CCDC83: variants seen among roughly 807,000 people sequenced by gnomAD.
CCDC83 encodes the protein coiled-coil domain-containing protein 83.
In CCDC83, 54 loss-of-function variants were observed where a neutral mutation model predicts 50.1. The ratio of observed to expected loss-of-function variants is 1.08; its 90% confidence interval spans 0.87 to 1.35. The LOEUF is 1.35. CCDC83 is among the 40% of genes most tolerant of loss of function. The probability of loss-of-function intolerance (pLI) is 0.00; values close to 1 mark genes in which losing one functional copy is unlikely to be tolerated. For missense variants in CCDC83, 518 were observed against 473.9 expected (o/e 1.09, Z -0.86); for synonymous variants, 161 against 153.3 (o/e 1.05, Z -0.37).
chr11:85,898,951 C>A lies in CCDC83; in HGVS notation c.608C>A (p.Ala203Asp). The part of the protein sequence containing the change: ...DQKKEWATQN[A>D]VKLIDKGSYL... ...AATCCAGAAACTTTCTTTTAGAATG[C>A]TGTAAAGCTCATTGACAAGGGCAGT... The change falls in exon 7 of 11, where the codon GCT becomes GAT. Residue 203 changes from alanine to aspartate, a missense_variant. Coordinates refer to ENST00000342404, the MANE Select transcript of CCDC83 (RefSeq NM_001286159.2). 1 of 1,610,020 alleles carries A rather than the reference C, an allele frequency of 6.2e-7. No homozygotes were observed. The highest frequency in any genetic ancestry group is 8.5e-7 in the Non-Finnish European group (1 of 1,177,138).
In CCDC83 at chr11:85,906,169, G is replaced by A. The variant is rs1030956397; in HGVS notation, c.673-5112G>A. Among the ~76,000 whole-genome samples, 7 of 151,402 alleles carry A rather than the reference G, an allele frequency of 4.6e-5. No homozygotes were observed. The South Asian group carries it at 1.5e-3, about 32-fold the overall frequency. On this transcript the variant is annotated intron_variant, in intron 7 of 10. Coordinates refer to ENST00000342404, the MANE Select transcript of CCDC83 (RefSeq NM_001286159.2). ...AAACCTCCACCTCCCAGGTTCAAGC[G>A]ATTCTCCTGCCTCAGCCTCCCAAGT...
chr11:85,897,933 G>T (rs2135090052), intron 6 of CCDC83, among the ~76,000 whole-genome samples: 2 of 152,236 alleles, frequency 1.3e-5, no homozygotes, highest in African/African-American at 4.8e-5. Flanking sequence ...AAGGCGGGTG[G>T]ATCACTTGAG....
intron 8 of CCDC83, chr11:85,912,686 C>G (rs772182257): frequency 6.2e-7 from 1 of 1,612,598 alleles, no homozygotes; most frequent in Non-Finnish European, 8.5e-7. Context: ...CTCTAATCCT[C>G]GTCATCTGCT....
chr11:85,906,113 T>A (rs1468117378), intron 7 of CCDC83, among the ~76,000 whole-genome samples: 1 of 151,772 alleles, frequency 6.6e-6, no homozygotes, highest in Non-Finnish European at 1.5e-5. Context: ...TTGCCCAGGC[T>A]TGAGTGAAAT....
intron 2 of CCDC83, among the ~76,000 whole-genome samples, chr11:85,868,264 T>G (rs1351789183): frequency 1.3e-5 from 2 of 152,236 alleles, no homozygotes; most frequent in African/African-American, 4.8e-5. Context: ...TGCCCCCCGT[T>G]TTCTACAATA....
At chr11:85,882,492 T>C in intron 3 of CCDC83, 21 bp from the exon 4 acceptor site, 2 of 1,610,776 alleles carry the variant, frequency 1.2e-6, no homozygotes, top group Non-Finnish European at 1.7e-6. Flanking sequence ...AAACGTGAAT[T>C]ACTGTTGATT....
chr11:85,915,885 C>T lies in CCDC83; in HGVS notation c.875-143C>T, dbSNP rs551826290. The T allele has an allele frequency of 6.4e-6, 4 of 629,214 alleles. No individual in the cohort carries two copies. In the East Asian group the frequency reaches 1.1e-4, roughly 18 times the overall value. The allele number at this position is 629,214 out of a possible 1,614,324, so 39.0% of individuals were successfully genotyped here. Reference sequence around the variant, plus strand: ...CAACTTAGAGTTTCTACAAATGGGACTCCCTCTTACTTTAATACATAAATT... The same window carrying T: ...CAACTTAGAGTTTCTACAAATGGGATTCCCTCTTACTTTAATACATAAATT... On this transcript the variant is annotated intron_variant, in intron 9 of 10. Transcript: ENST00000342404.
intron 7 of CCDC83, among the ~76,000 whole-genome samples, chr11:85,902,000 C>T (rs1252508632): frequency 6.6e-6 from 1 of 152,004 alleles, no homozygotes; most frequent in African/African-American, 2.4e-5. Flanking sequence ...CATTGCACTC[C>T]TGCCTGGGTG....
At chr11:85,882,923 G>C (rs2093308549) in intron 4 of CCDC83, among the ~76,000 whole-genome samples, 1 of 152,032 alleles carries the variant, frequency 6.6e-6, no homozygotes, top group Non-Finnish European at 1.5e-5. Context: ...AAATTTATCT[G>C]ACTGTTTTTT....
chr11:85,879,805 G>A (rs774264391), intron 3 of CCDC83, among the ~76,000 whole-genome samples: 3 of 152,102 alleles, frequency 2.0e-5, no homozygotes, highest in Non-Finnish European at 4.4e-5. Context: ...TTTTAATAGA[G>A]ATGTGGTTTC....
At chr11:85,875,516 T>G (rs1382085589) in intron 3 of CCDC83, among the ~76,000 whole-genome samples, 1 of 152,254 alleles carries the variant, frequency 6.6e-6, no homozygotes, top group African/African-American at 2.4e-5. Context: ...TTTTTCTTGG[T>G]TAGCTCCTTT....
intron 6 of CCDC83, among the ~76,000 whole-genome samples, chr11:85,898,021 A>T (rs2093383063): frequency 6.6e-6 from 1 of 151,980 alleles, no homozygotes; most frequent in African/African-American, 2.4e-5. Context: ...GGCCAGGCAC[A>T]GTGGTGGGCG....
chr11:85,904,483 C>T (rs2093416462), intron 7 of CCDC83, among the ~76,000 whole-genome samples: 1 of 152,178 alleles, frequency 6.6e-6, no homozygotes, highest in Non-Finnish European at 1.5e-5. Flanking sequence ...AAGTAGCCAC[C>T]CAACCTGTGA....
rs1438349727 is a variant in CCDC83 at position 85,899,030 on chromosome 11, T to A, written c.672+15T>A. The A allele has an allele frequency of 3.8e-6, 6 of 1,576,332 alleles. No individual in the cohort carries two copies. The highest frequency in any genetic ancestry group is 1.4e-5 in the African/African-American group (1 of 73,998). On this transcript the variant is annotated intron_variant, in intron 7 of 10. Transcript: ENST00000342404. Reference sequence around the variant, plus strand: ...TCAAAAAAGAGGTAAGTGGAATTTATCAAAACAAACAATTTCTTCGTTCTC... The same window carrying A: ...TCAAAAAAGAGGTAAGTGGAATTTAACAAAACAAACAATTTCTTCGTTCTC...
intron 5 of CCDC83, among the ~76,000 whole-genome samples, chr11:85,894,559 A>G (rs1347475565): frequency 6.6e-6 from 1 of 152,098 alleles, no homozygotes; most frequent in Non-Finnish European, 1.5e-5. Flanking sequence ...TAAAATTGAG[A>G]ATTTTAGTTT....
intron 2 of CCDC83, among the ~76,000 whole-genome samples, chr11:85,872,731 G>A (rs557884325): frequency 3.0e-4 from 46 of 152,264 alleles, no homozygotes; most frequent in African/African-American, 9.6e-4. Context: ...ATTTGTGCCA[G>A]GAAAGAAGTT....
chr11:85,915,970 T>C, intron 9 of CCDC83, 58 bp from the exon 10 acceptor site: 1 of 1,194,524 alleles, frequency 8.4e-7, no homozygotes, highest in Non-Finnish European at 1.2e-6. Context: ...ATGTATTGCA[T>C]TTTTATTTGT....
chr11:85,871,441 A>AT (rs1028660375), intron 2 of CCDC83, among the ~76,000 whole-genome samples: 8 of 151,156 alleles, frequency 5.3e-5, no homozygotes, highest in East Asian at 1.9e-4. Flanking sequence ...CCAGTAAAGG[A>AT]TTTTTTTTTA....
At chr11:85,874,664 A>G (rs1016928857) in intron 3 of CCDC83, among the ~76,000 whole-genome samples, 1 of 152,176 alleles carries the variant, frequency 6.6e-6, no homozygotes, top group African/African-American at 2.4e-5. Context: ...GTGCAACCAA[A>G]TTACCTTTTG....
Sources: gnomAD v4.1 joint callset for allele counts (sites outside exome capture counted in the v4.1 genomes callset) on GRCh38, gnomAD v4.1.1 for gene constraint, MANE v1.5 for transcripts, NCBI Gene and HGNC (gene_info 2026-07-23, HGNC 2026-07-21) for gene names.